The following WWTR1 variants were observed in gnomAD, a reference collection of about 807,000 sequenced individuals.
WWTR1 encodes WW domain containing transcription regulator 1.
Under a neutral mutation model 40.1 loss-of-function variants are expected in WWTR1, and 13 were observed. The ratio of observed to expected loss-of-function variants is 0.32; its 90% CI spans 0.21 to 0.52. WWTR1 has a LOEUF of 0.52. Ranked by LOEUF, WWTR1 falls within the 20% of genes least tolerant of loss-of-function variation. The probability of loss-of-function intolerance (pLI) is 0.97; values close to 1 mark genes in which losing one functional copy is unlikely to be tolerated. For synonymous variants in WWTR1, 230 were observed against 210.1 expected (o/e 1.09, Z -0.82); for missense variants, 436 against 523.1 (o/e 0.83, Z 1.63).
chr3:149,638,492 T>C (rs1234230744), intron 2 of WWTR1, among the ~76,000 whole-genome samples: 1 of 152,192 alleles, frequency 6.6e-6, no homozygotes, highest in Non-Finnish European at 1.5e-5. Context: ...CTAGTATAAT[T>C]CACATAATGC....
At chr3:149,564,096 G>A (rs1462402717) in intron 3 of WWTR1, among the ~76,000 whole-genome samples, 1 of 152,164 alleles carries the variant, frequency 6.6e-6, no homozygotes, top group Non-Finnish European at 1.5e-5. Context: ...CCTGGCTGAT[G>A]ATCAGAGTCA....
At chr3:149,681,875 T>C (rs1462429151) in intron 1 of WWTR1, among the ~76,000 whole-genome samples, 1 of 152,100 alleles carries the variant, frequency 6.6e-6, no homozygotes, top group Non-Finnish European at 1.5e-5. Flanking sequence ...AATAGTCAAA[T>C]TTATAGAAGC....
rs116642555 is a variant in WWTR1, at chr3:149,594,461, C to T, written c.432-21461G>A. Among the ~76,000 whole-genome samples the T allele has an allele frequency of 7.8e-3, 1,184 of 152,126 alleles. 15 individuals are homozygous for T. Among genetic ancestry groups the T allele is most frequent in the African/African-American group, 0.026 (1,086 of 41,498 alleles). ...TAAATAATATTTTAAGAAATTATTG[C>T]TTCTATCCTGATAAGATACAATAAG... On this transcript the variant is annotated intron_variant, in intron 2 of 6. Coordinates refer to ENST00000360632, the MANE Select transcript of WWTR1 (RefSeq NM_015472.6).
rs377048586 is a variant in WWTR1, at chr3:149,572,918, C to T, written c.514G>A (p.Val172Ile). The change falls in exon 3 of 7, where the codon GTC (valine) becomes ATC (isoleucine). Residue 172 changes from valine (V) to isoleucine (I), a missense_variant. Val to Ile is a conservative substitution (Grantham distance 29, BLOSUM62 3). Transcript: ENST00000360632. ...PLNHMNLHPA[V>I]SSTPVPQRSM... is the part of the protein sequence containing the mutation. ...CTCTGAGGCACTGGTGTGGAACTGACGGCAGGGTGGAGGTTCATATGATTC... is the reference window on the plus strand; with the variant it reads ...CTCTGAGGCACTGGTGTGGAACTGATGGCAGGGTGGAGGTTCATATGATTC... The T allele has an allele frequency of 1.2e-5, 20 of 1,613,622 alleles. No homozygotes were observed. The highest frequency in any genetic ancestry group is 1.6e-4 in the Middle Eastern group (1 of 6,082).
At chr3:149,698,048 T>C (rs1434655618) in intron 1 of WWTR1, among the ~76,000 whole-genome samples, 1 of 152,238 alleles carries the variant, frequency 6.6e-6, no homozygotes, top group Non-Finnish European at 1.5e-5. Flanking sequence ...ATGCAGCCCA[T>C]GTGATTGCTC....
At chr3:149,576,241 G>A in intron 2 of WWTR1, 1 of 378,862 alleles carries the variant, frequency 2.6e-6, no homozygotes, top group Non-Finnish European at 5.2e-6. Context: ...GCTCACAAGA[G>A]GCACTTAATA....
intron 2 of WWTR1, among the ~76,000 whole-genome samples, chr3:149,584,351 G>T (rs1237877995): frequency 6.6e-6 from 1 of 152,102 alleles, no homozygotes; most frequent in African/African-American, 2.4e-5. Context: ...TGTTGGTTTT[G>T]TTTTTTTCAA....
chr3:149,536,284 A>G (rs1735828772), intron 4 of WWTR1, among the ~76,000 whole-genome samples: 1 of 152,172 alleles, frequency 6.6e-6, no homozygotes, highest in Non-Finnish European at 1.5e-5. Flanking sequence ...TAGATTCACA[A>G]AATATTAGAC....
intron 2 of WWTR1, among the ~76,000 whole-genome samples, chr3:149,615,713 G>T (rs1215454732): frequency 6.6e-6 from 1 of 152,154 alleles, no homozygotes; most frequent in Admixed American, 6.5e-5. Flanking sequence ...GGTATTATTG[G>T]TCTCATTTGA....
intron 3 of WWTR1, among the ~76,000 whole-genome samples, chr3:149,551,321 G>A (rs1042318711): frequency 6.9e-6 from 1 of 144,576 alleles, no homozygotes; most frequent in Non-Finnish European, 1.5e-5. Context: ...AGTAGAACAG[G>A]TAGAGGCTGA....
chr3:149,542,110 C>T (rs2107936798), intron 4 of WWTR1, among the ~76,000 whole-genome samples: 1 of 152,278 alleles, frequency 6.6e-6, no homozygotes, highest in African/African-American at 2.4e-5. Flanking sequence ...CCAAAGGCAG[C>T]CATGCTAATA....
rs914862091 is a variant in WWTR1, at chr3:149,579,536, G to C, written c.432-6536C>G. ...ATGTTCCACAGATAATGCTAGCCAGGTGTGGTGGCTCACACCTGTAATCTT... is the reference window on the plus strand; with the variant it reads ...ATGTTCCACAGATAATGCTAGCCAGCTGTGGTGGCTCACACCTGTAATCTT... On this transcript the variant is annotated intron_variant, in intron 2 of 6. Transcript: ENST00000360632. Among the ~76,000 whole-genome samples the C allele has an allele frequency of 4.6e-5, 7 of 152,090 alleles. No individual in the cohort carries two copies. The East Asian group carries it at 5.8e-4, about 13-fold the overall frequency.
intron 3 of WWTR1, among the ~76,000 whole-genome samples, chr3:149,724,434 GCTCT>G (rs1381947384): frequency 6.6e-6 from 1 of 151,030 alleles, no homozygotes; most frequent in Non-Finnish European, 1.5e-5. Flanking sequence ...AAATTAACAG[GCTCT>G]CTTTTTAATA....
At chr3:149,612,649 G>A (rs1219189515) in intron 2 of WWTR1, among the ~76,000 whole-genome samples, 2 of 152,184 alleles carry the variant, frequency 1.3e-5, no homozygotes, top group Admixed American at 6.5e-5. Flanking sequence ...AGGAGGATAT[G>A]AGGCTGCAAC....
chr3:149,656,789 TCTCACACA>T (rs1230284829), intron 2 of WWTR1, 79 bp downstream of exon 2: 2 of 793,114 alleles, frequency 2.5e-6, no homozygotes, highest in East Asian at 3.3e-5. Flanking sequence ...TCTCTCTCTC[TCTCACACA>T]CACACACACA....
chr3:149,568,059 A>G (rs900369148), intron 3 of WWTR1, among the ~76,000 whole-genome samples: 3 of 152,102 alleles, frequency 2.0e-5, no homozygotes, highest in African/African-American at 7.2e-5. Context: ...AGTAAGTATT[A>G]ATAGTAAGGA....
chr3:149,659,871 G>A (rs1641512117), upstream of WWTR1: 1 of 151,276 alleles, frequency 6.6e-6, no homozygotes, highest in Admixed American at 6.6e-5. Flanking sequence ...CTCATAGACT[G>A]GAAGAAATTA....
chr3:149,664,899 A>G (rs533776749), intron 2 of WWTR1, among the ~76,000 whole-genome samples: 11 of 152,124 alleles, frequency 7.2e-5, no homozygotes, highest in African/African-American at 1.9e-4. Flanking sequence ...AGAAGGCACT[A>G]TCTTTTGTCT....
intron 4 of WWTR1, among the ~76,000 whole-genome samples, chr3:149,529,394 C>T (rs75604210): frequency 6.1e-4 from 93 of 152,168 alleles, no homozygotes; most frequent in African/African-American, 2.2e-3. Flanking sequence ...TGTTACAAAC[C>T]ATGAGAGACC....
Sources: gnomAD v4.1 joint callset for allele counts (sites outside exome capture counted in the v4.1 genomes callset) on GRCh38, gnomAD v4.1.1 for gene constraint, MANE v1.5 for transcripts, NCBI Gene and HGNC (gene_info 2026-07-23, HGNC 2026-07-21) for gene names.